SGK2: variants seen among roughly 807,000 people sequenced by gnomAD.
SGK2 encodes the protein serine/threonine-protein kinase Sgk2.
Under a neutral mutation model 47.5 loss-of-function variants are expected in SGK2, and 36 were observed. The ratio of observed to expected loss-of-function variants is 0.76; its 90% confidence interval spans 0.58 to 1.00. SGK2 has a LOEUF of 1.00. Ranked by LOEUF, SGK2 falls within the 50% of genes least tolerant of loss-of-function variation. The pLI is 0.00. For synonymous variants in SGK2, 157 were observed against 181.9 expected (o/e 0.86, Z 1.10); for missense variants, 404 against 467.4 (o/e 0.86, Z 1.25).
At position 43,567,073 on chromosome 20, in the gene SGK2, C is replaced by T. The variant is rs1450641013; in HGVS notation, c.42C>T (p.Ser14=). The T allele has an allele frequency of 1.9e-6, 3 of 1,613,856 alleles. No homozygotes were observed. The African/African-American group carries it at 4.0e-5, about 22-fold the overall frequency. The change falls in exon 3 of 13, where the codon TCC becomes TCT. Residue 14 remains serine (S), a synonymous_variant. Coordinates refer to ENST00000373100, the MANE Select transcript of SGK2 (RefSeq NM_170693.3). ...SPAGTPSPQP[S]RANGNINLGP... ...ATAATCACTTCTTTCTTTAGCCCTC[C>T]AGGGCCAATGGGAACATCAACCTGG...
At chr20:43,569,782 T>C (rs562672440) in intron 6 of SGK2, 25 of 426,194 alleles carry the variant, frequency 5.9e-5, no homozygotes, top group Admixed American at 2.9e-4. Flanking sequence ...GAGTTGCCCA[T>C]AGACGCACTT....
intron 5 of SGK2, among the ~76,000 whole-genome samples, chr20:43,568,969 T>TG (rs1979917667): frequency 6.6e-6 from 1 of 151,964 alleles, no homozygotes; most frequent in Admixed American, 6.6e-5. Context: ...CAGCTGGCCT[T>TG]GATGGTGGGA....
rs1451234121 is a variant in SGK2, at chr20:43,561,385, GATTT to G, written c.-24+2227_-24+2230del. 6.5e-3 allele frequency among the ~76,000 whole-genome samples: 871 copies of G among 133,036 alleles called. 6 individuals carry two copies. The highest frequency in any genetic ancestry group is 0.022 in the Middle Eastern group (6 of 270). 87.3% of individuals were successfully genotyped at this position (133,036 alleles called of 152,430 possible). A position where few individuals can be genotyped will look rare whatever the true frequency, so the allele number is the denominator to read the frequency against. ...CTCATAAACCATGGTAGAGGCTTTG[GATTT>G]TTTTTTTTTTTTTTTTTTTGAGACA... On this transcript the variant is annotated intron_variant, in intron 1 of 12. Coordinates refer to ENST00000373100, the MANE Select transcript of SGK2 (RefSeq NM_170693.3).
chr20:43,562,123 C>T (rs963331365), intron 1 of SGK2, among the ~76,000 whole-genome samples: 4 of 151,796 alleles, frequency 2.6e-5, no homozygotes, highest in Non-Finnish European at 1.5e-5. Flanking sequence ...ATGTTAACTT[C>T]GAGATACCAG....
chr20:43,562,930 C>T (rs1376732164), intron 1 of SGK2, among the ~76,000 whole-genome samples: 1 of 151,850 alleles, frequency 6.6e-6, no homozygotes, highest in Non-Finnish European at 1.5e-5. Context: ...GTCAGGAGTT[C>T]GAGACCAGCC....
chr20:43,577,342 A>G (rs1600998032), intron 11 of SGK2, among the ~76,000 whole-genome samples: 1 of 143,944 alleles, frequency 6.9e-6, no homozygotes, highest in Admixed American at 7.0e-5. Flanking sequence ...ACTGCACTGC[A>G]TCTGCTTTTT....
In SGK2 at chr20:43,567,732, T is replaced by C. The variant is rs1256087277; in HGVS notation, c.144+10T>C. The C allele has an allele frequency of 6.2e-7, 1 of 1,613,830 alleles. No individual in the cohort carries two copies. The highest frequency in any genetic ancestry group is 8.5e-7 in the Non-Finnish European group (1 of 1,179,938). On this transcript the variant is annotated intron_variant, in intron 4 of 12. Transcript: ENST00000373100. The stretch of plus-strand genomic sequence containing the variant: ...AGGGAACTACGGGAAGGTGAGTGAC[T>C]TGGTGAGGGTGGGAAGCCTGGGTCT...
At chr20:43,579,949 C>T (rs373880106) in intron 11 of SGK2, 23 bp from the exon 12 acceptor site, 30 of 1,565,752 alleles carry the variant, frequency 1.9e-5, no homozygotes, top group South Asian at 2.2e-5. Flanking sequence ...CTAACCAGAA[C>T]CTTTTTTCTG....
chr20:43,576,420 C>T (rs748070500), intron 11 of SGK2, 41 bp downstream of exon 11: 2 of 1,584,256 alleles, frequency 1.3e-6, no homozygotes, highest in Admixed American at 3.5e-5. Flanking sequence ...CCATGGGGCT[C>T]GCAGCTTCCT....
chr20:43,570,546 C>T lies in SGK2; in HGVS notation c.361-71C>T, dbSNP rs561601633. ...GGAGTGAGCTCGCAGCCGCACAGGG[C>T]GGGGAGCAGGTGCACCCTAGCCCTA... On this transcript the variant is annotated intron_variant, in intron 6 of 12. Coordinates refer to ENST00000373100, the MANE Select transcript of SGK2 (RefSeq NM_170693.3). 1.3e-4 allele frequency: 131 copies of T among 995,614 alleles called. No homozygotes were observed. The African/African-American group carries it at 1.8e-3, about 14-fold the overall frequency. The allele number at this position is 995,614 out of a possible 1,614,324, so 61.7% of individuals were successfully genotyped here. A position where few individuals can be genotyped will look rare whatever the true frequency, so the allele number is the denominator to read the frequency against.
chr20:43,581,774 T>G (rs1980813943), intron 12 of SGK2, among the ~76,000 whole-genome samples: 1 of 151,802 alleles, frequency 6.6e-6, no homozygotes, highest in Non-Finnish European at 1.5e-5. Flanking sequence ...AGTGATCCAC[T>G]CGCCTTGGCC....
Position 43,585,123 on chromosome 20 carries a change from G to A in SGK2, c.*107G>A. On this transcript the variant is annotated 3_prime_UTR_variant, in exon 13 of 13. Transcript: ENST00000373100. ...CTAACAATGGCTTCAACGAGAAGCAGGTTTATTTTTTCCAGCACATAAAAG... is the reference window on the plus strand; with the variant it reads ...CTAACAATGGCTTCAACGAGAAGCAAGTTTATTTTTTCCAGCACATAAAAG... 1 of 1,119,898 alleles carries A rather than the reference G, an allele frequency of 8.9e-7. No homozygotes were observed. The highest frequency in any genetic ancestry group is 1.6e-5 in the South Asian group (1 of 63,950). The allele number at this position is 1,119,898 out of a possible 1,614,324, so 69.4% of individuals were successfully genotyped here.
At chr20:43,568,112 T>G (rs1393443091) in intron 5 of SGK2, 113 bp downstream of exon 5, 1 of 795,368 alleles carries the variant, frequency 1.3e-6, no homozygotes, top group Admixed American at 2.3e-5. Flanking sequence ...GGTGCAGAAG[T>G]GGTCACAACA....
At chr20:43,563,900 T>C (rs1034933795) in intron 1 of SGK2, among the ~76,000 whole-genome samples, 2 of 152,192 alleles carry the variant, frequency 1.3e-5, no homozygotes, top group African/African-American at 4.8e-5. Context: ...GGTCAACACT[T>C]CCAGATCCTC....
chr20:43,574,897 T>C lies in SGK2; in HGVS notation c.598-12T>C. The C allele has an allele frequency of 6.2e-7, 1 of 1,607,254 alleles. No homozygotes were observed. Among genetic ancestry groups the C allele is most frequent in the Non-Finnish European group, 8.5e-7 (1 of 1,174,078 alleles). ...ACGACTTATTTCAAATAAGTGTGTT[T>C]CCTTCTAACAGTACTTGGCACCTGA... is the stretch of plus-strand genomic sequence containing the variant. On this transcript the variant is annotated splice_polypyrimidine_tract_variant and intron_variant, in intron 9 of 12. Coordinates refer to ENST00000373100, the MANE Select transcript of SGK2 (RefSeq NM_170693.3).
intron 6 of SGK2, among the ~76,000 whole-genome samples, chr20:43,569,899 C>T (rs565157310): frequency 3.1e-4 from 47 of 152,232 alleles, no homozygotes; most frequent in African/African-American, 1.1e-3. Context: ...TAAACAGAGA[C>T]CTCAAGGCCA....
intron 1 of SGK2, chr20:43,565,984 T>C (rs758110181): frequency 9.2e-6 from 2 of 216,620 alleles, no homozygotes; most frequent in Non-Finnish European, 1.8e-5. Flanking sequence ...TAATTCAGGG[T>C]TGCCATTGTT....
chr20:43,571,172 T>A, intron 8 of SGK2, 112 bp downstream of exon 8: 2 of 1,523,258 alleles, frequency 1.3e-6, no homozygotes, highest in Non-Finnish European at 1.8e-6. Context: ...TGTACATGTA[T>A]GCATATAGGT....
chr20:43,566,096 G>A (rs548760437), intron 1 of SGK2: 8 of 441,742 alleles, frequency 1.8e-5, no homozygotes, highest in Admixed American at 1.1e-4. Context: ...TGAAATGGGG[G>A]ATGGGTTCAG....
Sources: gnomAD v4.1 joint callset for allele counts (sites outside exome capture counted in the v4.1 genomes callset) on GRCh38, gnomAD v4.1.1 for gene constraint, MANE v1.5 for transcripts, NCBI Gene and HGNC (gene_info 2026-07-23, HGNC 2026-07-21) for gene names.